The following TIMP3 variants were observed in gnomAD, a reference collection of about 807,000 sequenced individuals.
The protein encoded by TIMP3 is metalloproteinase inhibitor 3.
TIMP3 carries 11 observed loss-of-function variants against 30.0 expected under a neutral mutation model. That is an observed-to-expected ratio of 0.37 (90% CI 0.23 to 0.61). The LOEUF (loss-of-function observed/expected upper bound fraction) is 0.61. TIMP3 is among the 20% of genes least tolerant of loss of function. The probability of loss-of-function intolerance (pLI) is 0.70; values close to 1 mark genes in which losing one functional copy is unlikely to be tolerated. For missense variants in TIMP3, 181 were observed against 276.8 expected (o/e 0.65, Z 2.45); for synonymous variants, 112 against 111.3 (o/e 1.01, Z -0.04).
chr22:32,825,767 T>G (rs2047391999), intron 1 of TIMP3, among the ~76,000 whole-genome samples: 1 of 140,820 alleles, frequency 7.1e-6, no homozygotes, highest in Admixed American at 7.3e-5. Flanking sequence ...TGTACAGATA[T>G]AAACACACAA....
At chr22:32,807,713 A>G (rs1381465625) in intron 1 of TIMP3, among the ~76,000 whole-genome samples, 1 of 151,206 alleles carries the variant, frequency 6.6e-6, no homozygotes, top group Admixed American at 6.6e-5. Flanking sequence ...AATATATTTA[A>G]CAACTATACT....
rs1052852672 is a variant in TIMP3 at position 32,837,941 on chromosome 22, G to T, written c.122-11511G>T. On this transcript the variant is annotated intron_variant, in intron 1 of 4. Coordinates refer to ENST00000266085, the MANE Select transcript of TIMP3 (RefSeq NM_000362.5). This position sits in a 1 kb window ranked among gnomAD's most constrained non-coding sequence, Gnocchi z 4.1. ...GCCTCTGCCCAACCATGACCAGAAGGTCCTCTCCTTTCTCTTTCTCTTAAC... is the reference window on the plus strand; with the variant it reads ...GCCTCTGCCCAACCATGACCAGAAGTTCCTCTCCTTTCTCTTTCTCTTAAC... Among the ~76,000 whole-genome samples, 2 of 152,178 alleles carry T rather than the reference G, an allele frequency of 1.3e-5. No homozygotes were observed. Among genetic ancestry groups the T allele is most frequent in the Non-Finnish European group, 1.5e-5 (1 of 68,030 alleles).
intron 1 of TIMP3, among the ~76,000 whole-genome samples, chr22:32,848,103 C>G (rs2048120051): frequency 6.6e-6 from 1 of 152,250 alleles, no homozygotes; most frequent in Non-Finnish European, 1.5e-5. Context: ...CTGAAGACAG[C>G]TCTTGGGTGC....
At chr22:32,822,635 C>A (rs1004827602) in intron 1 of TIMP3, among the ~76,000 whole-genome samples, 2 of 152,146 alleles carry the variant, frequency 1.3e-5, no homozygotes, top group Non-Finnish European at 2.9e-5. Context: ...TGCAAATAGA[C>A]TGCTTAGATT....
chr22:32,821,033 T>C (rs984801606), intron 1 of TIMP3, among the ~76,000 whole-genome samples: 3 of 152,102 alleles, frequency 2.0e-5, no homozygotes, highest in African/African-American at 7.2e-5. Context: ...ATCTCATCCC[T>C]GCACTAGAGA....
At chr22:32,849,330 T>C (rs2048153927) in intron 1 of TIMP3, 122 bp from the exon 2 acceptor site, 8 of 781,330 alleles carry the variant, frequency 1.0e-5, no homozygotes, top group Admixed American at 8.1e-5. Flanking sequence ...TCTATTCCAG[T>C]TGGCTCCAAG....
chr22:32,841,203 AATAG>A (rs1233078675), intron 1 of TIMP3, among the ~76,000 whole-genome samples: 3 of 152,220 alleles, frequency 2.0e-5, no homozygotes, highest in African/African-American at 4.8e-5. Flanking sequence ...TGGCTACAGC[AATAG>A]GTAAAGCAAA....
At chr22:32,840,501 A>G (rs1218460510) in intron 1 of TIMP3, among the ~76,000 whole-genome samples, 1 of 145,462 alleles carries the variant, frequency 6.9e-6, no homozygotes, top group East Asian at 2.3e-4. Context: ...GCCGCTCCCC[A>G]CCCCCAGCCC....
chr22:32,832,299 GA>G (rs1216937871), intron 1 of TIMP3, among the ~76,000 whole-genome samples: 1 of 152,180 alleles, frequency 6.6e-6, no homozygotes, highest in Non-Finnish European at 1.5e-5. Flanking sequence ...GAACCCAGGG[GA>G]AATGCATGAG....
intron 1 of TIMP3, among the ~76,000 whole-genome samples, chr22:32,848,423 C>T (rs1206386862): frequency 6.6e-6 from 1 of 152,172 alleles, no homozygotes; most frequent in Non-Finnish European, 1.5e-5. Flanking sequence ...GGTTTCACTT[C>T]TTGGTCTGTT....
rs904234154 is a variant in TIMP3, at chr22:32,837,313, T to C, written c.122-12139T>C. 1.3e-5 allele frequency among the ~76,000 whole-genome samples: 2 copies of C among 152,182 alleles called. No individual in the cohort carries two copies. Among genetic ancestry groups the C allele is most frequent in the Non-Finnish European group, 2.9e-5 (2 of 68,026 alleles). On this transcript the variant is annotated intron_variant, in intron 1 of 4. Transcript: ENST00000266085. The surrounding 1 kb of genome is among the most constrained non-coding windows in gnomAD (Gnocchi z 4.1). ...CCCCCGTGGAGAGGCTGGAGCACTC[T>C]CAGGGGATAGGGGGTGGTCTCAGCC...
intron 2 of TIMP3, 80 bp from the exon 3 acceptor site, chr22:32,857,169 C>A: frequency 9.4e-7 from 1 of 1,066,940 alleles, no homozygotes; most frequent in Non-Finnish European, 1.5e-6. Flanking sequence ...CCTTTGGATA[C>A]ATACCCAGCA....
At position 32,861,654 on chromosome 22, in the gene TIMP3, C is replaced by G. The variant is rs924300713; in HGVS notation, c.*2277C>G. On this transcript the variant is annotated 3_prime_UTR_variant, in exon 5 of 5. Transcript: ENST00000266085. ...GGCACCTGAAGTTTCCCTGCGGAGTCGATAAATTAGCAGAACCACATCCCC... is the reference window on the plus strand; with the variant it reads ...GGCACCTGAAGTTTCCCTGCGGAGTGGATAAATTAGCAGAACCACATCCCC... 6.6e-6 allele frequency: 1 copy of G among 152,574 alleles called. No individual in the cohort carries two copies. The highest frequency in any genetic ancestry group is 2.4e-5 in the African/African-American group (1 of 41,428). The allele number at this position is 152,574 out of a possible 1,614,324, so 9.5% of individuals were successfully genotyped here. A position where few individuals can be genotyped will look rare whatever the true frequency, so the allele number is the denominator to read the frequency against.
chr22:32,846,671 TCAGGCTCCAGAGAC>T (rs977022226), intron 1 of TIMP3, among the ~76,000 whole-genome samples: 1 of 152,244 alleles, frequency 6.6e-6, no homozygotes, highest in Non-Finnish European at 1.5e-5. Flanking sequence ...ACCCTGGCTC[TCAGGCTCCAGAGAC>T]CAGGCTCTTT....
chr22:32,850,571 G>C (rs1380019515), intron 2 of TIMP3, among the ~76,000 whole-genome samples: 1 of 152,172 alleles, frequency 6.6e-6, no homozygotes, highest in African/African-American at 2.4e-5. Context: ...GGCCGTGAGG[G>C]AGATACAGTT....
At chr22:32,804,207 T>A (rs2046664528) in intron 1 of TIMP3, among the ~76,000 whole-genome samples, 1 of 152,204 alleles carries the variant, frequency 6.6e-6, no homozygotes, top group Non-Finnish European at 1.5e-5. Context: ...TTGTTCTGCC[T>A]GGGTTTGGTG....
At chr22:32,840,953 C>T (rs2047883536) in intron 1 of TIMP3, among the ~76,000 whole-genome samples, 1 of 152,194 alleles carries the variant, frequency 6.6e-6, no homozygotes, top group African/African-American at 2.4e-5. Flanking sequence ...ACTGAAACAC[C>T]TTCCTGGTTG....
intron 1 of TIMP3, among the ~76,000 whole-genome samples, chr22:32,830,318 C>A: frequency 6.6e-6 from 1 of 152,156 alleles, no homozygotes; most frequent in African/African-American, 2.4e-5. Context: ...GGGAGTATCT[C>A]CCTTAATGCC....
intron 1 of TIMP3, among the ~76,000 whole-genome samples, chr22:32,824,876 C>A (rs781179992): frequency 7.2e-5 from 11 of 152,144 alleles, no homozygotes; most frequent in Non-Finnish European, 1.2e-4. Context: ...CCCATGACAA[C>A]CAGAGTACTT....
Sources: allele counts gnomAD v4.1 joint callset (sites outside exome capture counted in the v4.1 genomes callset), GRCh38; gene constraint gnomAD v4.1.1; non-coding constraint Gnocchi (gnomAD v3.1); transcripts MANE v1.5; gene names NCBI Gene and HGNC (gene_info 2026-07-23, HGNC 2026-07-21).